EDEM2: variants seen among roughly 807,000 people sequenced by gnomAD.
EDEM2 encodes the protein ER degradation-enhancing alpha-mannosidase-like protein 2.
EDEM2 carries 39 observed loss-of-function variants against 64.8 expected under a neutral mutation model. The ratio of observed to expected loss-of-function variants is 0.60; its 90% CI spans 0.47 to 0.79. EDEM2 has a LOEUF of 0.79. Among genes scored for constraint, EDEM2 ranks in the 30% least tolerant of loss-of-function variants. The pLI, the probability that EDEM2 is intolerant of heterozygous loss-of-function variation, is 0.00. For synonymous variants in EDEM2, 296 were observed against 291.5 expected, an observed-to-expected ratio of 1.02 and a Z score of -0.16; for missense variants, 609 against 731.3, an observed-to-expected ratio of 0.83 and a Z score of 1.93.
chr20:35,133,308 C>T (rs1325535799), intron 6 of EDEM2, among the ~76,000 whole-genome samples: 6 of 151,920 alleles, frequency 3.9e-5, no homozygotes, highest in Non-Finnish European at 7.4e-5. Context: ...GGCAAAGAGG[C>T]GCAGGTGATG....
chr20:35,134,688 C>G (rs750704251), intron 6 of EDEM2, 50 bp downstream of exon 6: 21 of 1,601,930 alleles, frequency 1.3e-5, no homozygotes, highest in South Asian at 7.8e-5. Context: ...GCTCAGAGCC[C>G]TGGGCCTCGT....
intron 7 of EDEM2, among the ~76,000 whole-genome samples, chr20:35,131,414 G>A (rs1355769443): frequency 6.6e-6 from 1 of 152,106 alleles, no homozygotes; most frequent in Admixed American, 6.5e-5. Flanking sequence ...AGCTGGATGT[G>A]ATGGTGTGCG....
chr20:35,143,080 G>A (rs2085680375), intron 3 of EDEM2, among the ~76,000 whole-genome samples: 1 of 152,132 alleles, frequency 6.6e-6, no homozygotes, highest in Non-Finnish European at 1.5e-5. Flanking sequence ...GACATTTGCA[G>A]TAGATACCAG....
intron 5 of EDEM2, among the ~76,000 whole-genome samples, chr20:35,137,390 G>A (rs574335303): frequency 6.6e-6 from 1 of 152,320 alleles, no homozygotes; most frequent in South Asian, 2.1e-4. Flanking sequence ...CTGCACTCCA[G>A]CCTGGGCGAC....
At chr20:35,131,851 C>T (rs2085510159) in intron 6 of EDEM2, 68 bp from the exon 7 acceptor site, 1 of 1,564,780 alleles carries the variant, frequency 6.4e-7, no homozygotes, top group African/African-American at 1.4e-5. Flanking sequence ...TACTCACCCC[C>T]AACCCTGACT....
chr20:35,145,234 A>G (rs2085713058), intron 2 of EDEM2, among the ~76,000 whole-genome samples: 1 of 152,204 alleles, frequency 6.6e-6, no homozygotes, highest in African/African-American at 2.4e-5. Context: ...GCTCAATTGT[A>G]ATTAAATACA....
intron 4 of EDEM2, among the ~76,000 whole-genome samples, chr20:35,138,877 C>T (rs570520972): frequency 3.3e-4 from 50 of 152,088 alleles, no homozygotes; most frequent in Non-Finnish European, 6.3e-4. Context: ...AGCCACCGCA[C>T]CCGGCCTACT....
At chr20:35,122,918 G>T (rs1439803517) in intron 9 of EDEM2, among the ~76,000 whole-genome samples, 1 of 152,196 alleles carries the variant, frequency 6.6e-6, no homozygotes, top group African/African-American at 2.4e-5. Flanking sequence ...AAGTGTCTAA[G>T]ACAATGGGCT....
At chr20:35,141,119 CAAAAAA>C (rs58702725) in intron 4 of EDEM2, among the ~76,000 whole-genome samples, 10 of 29,384 alleles carry the variant, frequency 3.4e-4, no homozygotes, top group African/African-American at 1.1e-3. Context: ...GACTCCGCCT[CAAAAAA>C]AAAAAAAAAA....
At chr20:35,129,570 C>CAA (rs202187228) in intron 7 of EDEM2, among the ~76,000 whole-genome samples, 4 of 106,970 alleles carry the variant, frequency 3.7e-5, no homozygotes, top group Admixed American at 1.1e-4. Context: ...GACTCTATCT[C>CAA]AAAAAAAAAA....
chr20:35,123,383 G>T lies in EDEM2; in HGVS notation c.1114+507C>A, dbSNP rs907483316. 8.5e-5 allele frequency among the ~76,000 whole-genome samples: 13 copies of T among 152,056 alleles called. 1 individual carries two copies. The highest frequency in any genetic ancestry group is 1.5e-5 in the Non-Finnish European group (1 of 68,016). Reference sequence around the variant, plus strand: ...CAAGGTGGGCGGATCACCTGAGGCTGGGAGTTCAAGACCAGCCTGACCAAC... The same window carrying T: ...CAAGGTGGGCGGATCACCTGAGGCTTGGAGTTCAAGACCAGCCTGACCAAC... On this transcript the variant is annotated intron_variant, in intron 9 of 10. Coordinates refer to ENST00000374492, the MANE Select transcript of EDEM2 (RefSeq NM_018217.3).
At position 35,124,026 on chromosome 20, in the gene EDEM2, A is replaced by C. The variant is rs1254494390; in HGVS notation, c.978T>G (p.Ile326Met). The C allele has an allele frequency of 2.5e-6, 4 of 1,612,788 alleles. No homozygotes were observed. The Admixed American group carries it at 6.7e-5, about 27-fold the overall frequency. ...TCCTCATGGCATTGTCAATGTCTCC[A>C]ATGAGGCTCTGTGGGAGAAAGTGGC... Reference protein sequence around the residue: ...EAYWPGLQSLIGDIDNAMRTF... With the variant: ...EAYWPGLQSLMGDIDNAMRTF... The change falls in exon 9 of 11, where the codon ATT becomes ATG. Residue 326 changes from isoleucine to methionine, a missense_variant. Physicochemically the swap from Ile to Met is conservative, Grantham distance 10. Coordinates refer to ENST00000374492, the MANE Select transcript of EDEM2 (RefSeq NM_018217.3).
At chr20:35,125,534 A>G (rs935844088) in intron 8 of EDEM2, among the ~76,000 whole-genome samples, 10 of 151,626 alleles carry the variant, frequency 6.6e-5, no homozygotes, top group African/African-American at 2.2e-4. Flanking sequence ...ACAGGCGCCC[A>G]CCACCACGCC....
In EDEM2 at chr20:35,131,215, G is replaced by GGC. The variant is rs199927957; in HGVS notation, c.844+425_844+426dup. Among the ~76,000 whole-genome samples the GGC allele has an allele frequency of 7.7e-4, 118 of 152,296 alleles. 1 individual carries two copies. In the East Asian group the frequency reaches 0.022, roughly 29 times the overall value. ...CAAGTGCTGTAGTGGGCATGAAGTG[G>GGC]GCAGTGTAAGTCCATAGTGACTCTG... On this transcript the variant is annotated intron_variant, in intron 7 of 10. Coordinates refer to ENST00000374492, the MANE Select transcript of EDEM2 (RefSeq NM_018217.3).
rs114450726 is a variant in EDEM2 at position 35,120,142 on chromosome 20, C to T, written c.1115-1423G>A. The stretch of plus-strand genomic sequence containing the variant: ...GCCATGGTGCGATCTCCGCTCACTG[C>T]AACTCTGCCTCCTGGGTTCAAGGGA... On this transcript the variant is annotated intron_variant, in intron 9 of 10. Coordinates refer to ENST00000374492, the MANE Select transcript of EDEM2 (RefSeq NM_018217.3). Among the ~76,000 whole-genome samples, 128 of 152,318 alleles carry T rather than the reference C, an allele frequency of 8.4e-4. 2 individuals carry two copies. The highest frequency in any genetic ancestry group is 2.9e-3 in the African/African-American group (120 of 41,576).
intron 10 of EDEM2, among the ~76,000 whole-genome samples, chr20:35,116,610 G>C (rs1024270587): frequency 1.3e-5 from 2 of 152,114 alleles, no homozygotes; most frequent in Non-Finnish European, 2.9e-5. Context: ...TTCCTCACCA[G>C]AAAGGTCTCC....
At chr20:35,127,463 C>T (rs1437149640) in intron 7 of EDEM2, among the ~76,000 whole-genome samples, 1 of 152,164 alleles carries the variant, frequency 6.6e-6, no homozygotes, top group East Asian at 1.9e-4. Flanking sequence ...ATATCTCTCC[C>T]CTAGATTGTA....
intron 4 of EDEM2, among the ~76,000 whole-genome samples, chr20:35,138,580 CTTT>C (rs1199947248): frequency 3.6e-5 from 5 of 140,762 alleles, no homozygotes; most frequent in Admixed American, 7.2e-5. Flanking sequence ...ATATGTAGAA[CTTT>C]TTTTTTTTTT....
chr20:35,123,528 G>T (rs985953847), intron 9 of EDEM2, among the ~76,000 whole-genome samples: 1 of 150,632 alleles, frequency 6.6e-6, no homozygotes, highest in African/African-American at 2.4e-5. Flanking sequence ...GGAGGCGGAG[G>T]TTGCGGTGAG....
Sources: allele counts gnomAD v4.1 joint callset (sites outside exome capture counted in the v4.1 genomes callset), GRCh38; gene constraint gnomAD v4.1.1; transcripts MANE v1.5; gene names NCBI Gene and HGNC (gene_info 2026-07-23, HGNC 2026-07-21).